The following SIRPG variants were observed in gnomAD, a reference collection of about 807,000 sequenced individuals.
SIRPG encodes the protein signal regulatory protein gamma, also known as signal-regulatory protein gamma.
SIRPG carries 38 observed loss-of-function variants against 35.7 expected under a neutral mutation model. The observed-to-expected ratio is 1.06, with a 90% CI of 0.82 to 1.40. The LOEUF (loss-of-function observed/expected upper bound fraction) is 1.40. Ranked by LOEUF, SIRPG falls within the 40% of genes most tolerant of loss-of-function variation. The pLI, the probability that SIRPG is intolerant of heterozygous loss-of-function variation, is 0.00. For missense variants in SIRPG, 519 were observed against 483.0 expected, an observed-to-expected ratio of 1.07 and a Z score of -0.70; for synonymous variants, 215 against 190.4, an observed-to-expected ratio of 1.13 and a Z score of -1.06.
chr20:1,681,579 C>A, the SIRPG span, among the ~76,000 whole-genome samples: 1 of 152,152 alleles, frequency 6.6e-6, no homozygotes, highest in East Asian at 1.9e-4. Context: ...AGCCTGTAAT[C>A]CCAGTACTTT....
chr20:1,657,829 T>C, upstream of SIRPG: 1 of 954,912 alleles, frequency 1.0e-6, no homozygotes, highest in South Asian at 1.6e-5. Context: ...GAAGTGGCTA[T>C]GATGGAATGC....
chr20:1,681,415 T>A, the SIRPG span, among the ~76,000 whole-genome samples: 1 of 152,192 alleles, frequency 6.6e-6, no homozygotes, highest in South Asian at 2.1e-4. Context: ...TGTTTCCTTA[T>A]CTATGTGTGT....
At chr20:1,654,823 C>A (rs2091965082) in intron 1 of SIRPG, among the ~76,000 whole-genome samples, 1 of 152,112 alleles carries the variant, frequency 6.6e-6, no homozygotes, top group South Asian at 2.1e-4. Flanking sequence ...ATAAGGAAGT[C>A]AAACAACTCA....
At chr20:1,655,785 C>T (rs1340033434) in intron 1 of SIRPG, among the ~76,000 whole-genome samples, 1 of 151,940 alleles carries the variant, frequency 6.6e-6, no homozygotes, top group African/African-American at 2.4e-5. Flanking sequence ...CATAAGTATA[C>T]ATACTTTTGT....
intron 2 of SIRPG, among the ~76,000 whole-genome samples, chr20:1,640,115 G>C (rs1392241787): frequency 6.6e-6 from 1 of 151,940 alleles, no homozygotes; most frequent in African/African-American, 2.4e-5. Context: ...CTTTTTTTTG[G>C]TTCAATATAA....
chr20:1,668,220 T>C, the SIRPG span, among the ~76,000 whole-genome samples: 1 of 77,172 alleles, frequency 1.3e-5, no homozygotes, highest in Non-Finnish European at 3.0e-5. Flanking sequence ...TCTTTCTTTC[T>C]TTCTTTCTTT....
the SIRPG span, among the ~76,000 whole-genome samples, chr20:1,674,072 T>A: frequency 6.6e-6 from 1 of 152,202 alleles, no homozygotes; most frequent in African/African-American, 2.4e-5. Context: ...CTGCTGTCAA[T>A]GCTCAACACA....
chr20:1,643,570 G>C (rs191884740), intron 2 of SIRPG, among the ~76,000 whole-genome samples: 2 of 152,140 alleles, frequency 1.3e-5, no homozygotes, highest in African/African-American at 4.8e-5. Context: ...GCCTACTTCC[G>C]TCAATTCGTC....
chr20:1,659,109 C>CA (rs374443669), upstream of SIRPG, among the ~76,000 whole-genome samples: 3 of 151,908 alleles, frequency 2.0e-5, no homozygotes, highest in Non-Finnish European at 4.4e-5. Flanking sequence ...TAATTATAAG[C>CA]AAAAAAACAT....
chr20:1,647,021 T>G (rs554627442), intron 2 of SIRPG: 1 of 152,322 alleles, frequency 6.6e-6, no homozygotes, highest in Non-Finnish European at 1.5e-5. Flanking sequence ...TTGGAGCATT[T>G]CTCTACACTT....
intron 4 of SIRPG, among the ~76,000 whole-genome samples, chr20:1,634,447 T>C (rs1215916524): frequency 2.6e-5 from 4 of 151,450 alleles, no homozygotes; most frequent in Non-Finnish European, 5.9e-5. Flanking sequence ...GACCTCGTGA[T>C]CCGCCCGCCT....
chr20:1,649,547 T>C (rs1166513877), intron 1 of SIRPG, 139 bp from the exon 2 acceptor site: 3 of 738,888 alleles, frequency 4.1e-6, no homozygotes, highest in Middle Eastern at 3.6e-4. Context: ...GCATGTATTA[T>C]CTCATTTAAC....
chr20:1,655,958 A>AAT (rs1172027958), intron 1 of SIRPG, among the ~76,000 whole-genome samples: 3 of 152,128 alleles, frequency 2.0e-5, no homozygotes, highest in African/African-American at 7.2e-5. Context: ...CACATTCACA[A>AAT]ATATATATAA....
upstream of SIRPG, among the ~76,000 whole-genome samples, chr20:1,662,612 C>T (rs2091999075): frequency 6.6e-6 from 1 of 152,156 alleles, no homozygotes; most frequent in African/African-American, 2.4e-5. Flanking sequence ...TTTGAACTTC[C>T]TGCTACATTT....
the SIRPG span, among the ~76,000 whole-genome samples, chr20:1,664,004 GGA>G: frequency 5.9e-5 from 9 of 152,178 alleles, no homozygotes; most frequent in Non-Finnish European, 1.2e-4. Context: ...TGAGGCCCTC[GGA>G]CTGCTTCTAC....
chr20:1,663,244 C>T, the SIRPG span, among the ~76,000 whole-genome samples: 1 of 152,208 alleles, frequency 6.6e-6, no homozygotes, highest in Admixed American at 6.5e-5. Context: ...ACCTGGGAGG[C>T]AGAGCTTGCA....
intron 2 of SIRPG, chr20:1,648,450 A>C (rs2091913356): frequency 6.6e-6 from 1 of 152,226 alleles, no homozygotes; most frequent in Non-Finnish European, 1.5e-5. Flanking sequence ...GATTAAATAA[A>C]GAAAAACACG....
At chr20:1,640,095 G>A (rs1053459312) in intron 2 of SIRPG, among the ~76,000 whole-genome samples, 1 of 152,044 alleles carries the variant, frequency 6.6e-6, no homozygotes, top group Non-Finnish European at 1.5e-5. Context: ...GATTGTCTTG[G>A]CTATACGGGC....
the SIRPG span, among the ~76,000 whole-genome samples, chr20:1,673,834 G>A: frequency 1.2e-4 from 19 of 152,206 alleles, no homozygotes; most frequent in Non-Finnish European, 2.4e-4. Context: ...AGGCAGGGAG[G>A]CTCCTGGGGC....
Sources: gnomAD v4.1 joint callset for allele counts (sites outside exome capture counted in the v4.1 genomes callset) on GRCh38, gnomAD v4.1.1 for gene constraint, MANE v1.5 for transcripts, NCBI Gene and HGNC (gene_info 2026-07-23, HGNC 2026-07-21) for gene names.